The following C3orf33 variants were observed in gnomAD, a reference collection of about 807,000 sequenced individuals.
C3orf33 encodes the protein mitochondrial inner membrane subdomain organizer 1.
A neutral mutation model predicts 28.7 loss-of-function variants in C3orf33; 23 were observed. The observed-to-expected ratio is 0.80, with a 90% CI of 0.58 to 1.13. C3orf33 has a LOEUF of 1.13. Ranked by LOEUF, C3orf33 falls within the 50% of genes most tolerant of loss-of-function variation. C3orf33 has a pLI of 0.00. For synonymous variants in C3orf33, 119 were observed against 120.5 expected (o/e 0.99, Z 0.08); for missense variants, 327 against 353.4 (o/e 0.93, Z 0.60).
chr3:155,772,035 T>G (rs1312463718), intron 3 of C3orf33, among the ~76,000 whole-genome samples: 1 of 151,756 alleles, frequency 6.6e-6, no homozygotes, highest in Non-Finnish European at 1.5e-5. Context: ...AAGACCCCCT[T>G]TCTACAAAAA....
At chr3:155,793,639 G>A (rs1460139894) in intron 2 of C3orf33, among the ~76,000 whole-genome samples, 9 of 151,000 alleles carry the variant, frequency 6.0e-5, no homozygotes, top group Admixed American at 2.0e-4. Flanking sequence ...GCGAAACCCC[G>A]TCTCTACTAA....
intron 2 of C3orf33, among the ~76,000 whole-genome samples, chr3:155,796,784 A>G (rs1751486505): frequency 6.6e-6 from 1 of 152,246 alleles, no homozygotes; most frequent in African/African-American, 2.4e-5. Context: ...AAATACCTAC[A>G]AATCAAATTC....
At position 155,771,679 on chromosome 3, in the gene C3orf33, G is replaced by C. The variant is rs941479325; in HGVS notation, c.323-4010C>G. 2.6e-5 allele frequency among the ~76,000 whole-genome samples: 4 copies of C among 152,306 alleles called. No homozygotes were observed. The East Asian group carries it at 7.7e-4, about 29-fold the overall frequency. ...CTCAAAGTGTTGGAAATACAGGCAT[G>C]AGCCACCACACCTGGTCTTTGATTT... is the stretch of plus-strand genomic sequence containing the variant. On this transcript the variant is annotated intron_variant, in intron 3 of 4. Transcript: ENST00000340171.
Position 155,774,666 on chromosome 3 carries a change from CTTT to C in C3orf33, c.322+1032_322+1034del, listed in dbSNP as rs62815064. Among the ~76,000 whole-genome samples the C allele has an allele frequency of 8.3e-3, 791 of 95,240 alleles. 7 individuals are homozygous for C. Among genetic ancestry groups the C allele is most frequent in the African/African-American group, 0.027 (690 of 25,260 alleles). The allele number at this position is 95,240 out of a possible 152,430, so 62.5% of individuals were successfully genotyped here. The stretch of plus-strand genomic sequence containing the variant: ...CTTAAAACGTTATGATATTGTTTTG[CTTT>C]TTTTTTTTTTTTTTTTTTAGCTCAT... On this transcript the variant is annotated intron_variant, in intron 3 of 4. Transcript: ENST00000340171.
At chr3:155,800,025 A>G (rs1180156041) in intron 2 of C3orf33, among the ~76,000 whole-genome samples, 1 of 152,222 alleles carries the variant, frequency 6.6e-6, no homozygotes, top group Non-Finnish European at 1.5e-5. Context: ...GGGTGACTAC[A>G]GTCAACAATA....
chr3:155,779,476 G>A (rs1371920393), intron 2 of C3orf33, among the ~76,000 whole-genome samples: 1 of 152,116 alleles, frequency 6.6e-6, no homozygotes, highest in Non-Finnish European at 1.5e-5. Flanking sequence ...TATATTTTAA[G>A]TAGAGACAAG....
intron 2 of C3orf33, among the ~76,000 whole-genome samples, chr3:155,785,597 A>G (rs1056233480): frequency 5.9e-5 from 9 of 152,222 alleles, no homozygotes; most frequent in African/African-American, 2.2e-4. Context: ...CAAACAGCCA[A>G]TATATCAAAA....
intron 2 of C3orf33, among the ~76,000 whole-genome samples, chr3:155,796,381 A>G (rs1348131330): frequency 1.3e-5 from 2 of 152,212 alleles, no homozygotes; most frequent in African/African-American, 4.8e-5. Context: ...CTATATGCCA[A>G]TAAGTTGGAA....
chr3:155,787,553 T>C (rs1751162808), intron 2 of C3orf33, among the ~76,000 whole-genome samples: 1 of 151,752 alleles, frequency 6.6e-6, no homozygotes, highest in Non-Finnish European at 1.5e-5. Flanking sequence ...GGTTTCACTG[T>C]GTTGCCCAGG....
In C3orf33 at chr3:155,763,608, T is replaced by C. The variant is rs753103866; in HGVS notation, c.794A>G (p.Tyr265Cys). ...ESYYEKLKRT[Y>C]EIWKDNMNNC... Reference sequence around the variant, plus strand: ...GTTCATGTTGTCTTTCCATATTTCATAAGTCCTTTTAAGTTTTTCATAATA... The same window carrying C: ...GTTCATGTTGTCTTTCCATATTTCACAAGTCCTTTTAAGTTTTTCATAATA... The change falls in exon 5 of 5, where the codon TAT becomes TGT. Residue 265 changes from tyrosine to cysteine, a missense_variant. Tyr to Cys is a radical substitution (Grantham distance 194). Coordinates refer to ENST00000340171, the MANE Select transcript of C3orf33 (RefSeq NM_001308229.2). 6 of 1,591,460 alleles carry C rather than the reference T, an allele frequency of 3.8e-6. No individual in the cohort carries two copies. Among genetic ancestry groups the C allele is most frequent in the Middle Eastern group, 1.7e-4 (1 of 5,950 alleles).
intron 2 of C3orf33, among the ~76,000 whole-genome samples, chr3:155,777,040 G>A (rs981961129): frequency 1.1e-4 from 16 of 151,954 alleles, no homozygotes; most frequent in Admixed American, 2.6e-4. Context: ...ACAATTGGCC[G>A]GGCATGGTGG....
At chr3:155,781,768 C>CAAAAAAA in intron 2 of C3orf33, among the ~76,000 whole-genome samples, 1 of 64,502 alleles carries the variant, frequency 1.6e-5, no homozygotes, top group Non-Finnish European at 2.9e-5. Context: ...GACTCTATCT[C>CAAAAAAA]AAAAAAAAAA....
chr3:155,776,747 A>G (rs889021956), intron 2 of C3orf33, among the ~76,000 whole-genome samples: 40 of 132,252 alleles, frequency 3.0e-4, no homozygotes, highest in African/African-American at 1.0e-3. Context: ...CAGAGCGAGA[A>G]CCTGACTCTG....
At position 155,767,531 on chromosome 3, in the gene C3orf33, AAG is replaced by A. The variant is rs1296254339; in HGVS notation, c.459_460del (p.Phe154LeufsTer7). The A allele has an allele frequency of 6.4e-7, 1 of 1,574,526 alleles. No homozygotes were observed. The highest frequency in any genetic ancestry group is 2.3e-5 in the East Asian group (1 of 43,898). On this transcript the variant is annotated frameshift_variant, in exon 4 of 5. Transcript: ENST00000340171. LOFTEE classifies it high-confidence loss of function. Reference sequence around the variant, plus strand: ...TACCTTACTCACCAGAAGATAGCAAAAGAGTGCTGAATTCTCCTTTCCAAGAA... The same window carrying A: ...TACCTTACTCACCAGAAGATAGCAAAAGTGCTGAATTCTCCTTTCCAAGAA...
At chr3:155,773,191 T>C (rs1169210908) in intron 3 of C3orf33, among the ~76,000 whole-genome samples, 1 of 152,236 alleles carries the variant, frequency 6.6e-6, no homozygotes, top group Non-Finnish European at 1.5e-5. Context: ...CTCTAGCAAC[T>C]TATTGTAACA....
At chr3:155,785,215 G>C (rs1056117575) in intron 2 of C3orf33, among the ~76,000 whole-genome samples, 3 of 151,892 alleles carry the variant, frequency 2.0e-5, no homozygotes, top group African/African-American at 7.3e-5. Flanking sequence ...TAACAGACCA[G>C]CAAAAATGGT....
chr3:155,786,642 C>T (rs182873442), intron 2 of C3orf33, among the ~76,000 whole-genome samples: 4 of 152,088 alleles, frequency 2.6e-5, no homozygotes, highest in Non-Finnish European at 4.4e-5. Context: ...ACCTGGCCAA[C>T]GTGGCGAAAC....
At chr3:155,764,487 T>A (rs1046606458) in intron 4 of C3orf33, among the ~76,000 whole-genome samples, 5 of 152,176 alleles carry the variant, frequency 3.3e-5, no homozygotes, top group Admixed American at 1.3e-4. Context: ...CAGGAAATTT[T>A]ATTCATGGAA....
intron 2 of C3orf33, among the ~76,000 whole-genome samples, chr3:155,779,946 C>A (rs191584002): frequency 2.6e-5 from 4 of 152,298 alleles, no homozygotes; most frequent in African/African-American, 7.2e-5. Context: ...TCCATTGCAT[C>A]CATTTATTTT....
Sources: gnomAD v4.1 joint callset for allele counts (sites outside exome capture counted in the v4.1 genomes callset) on GRCh38, gnomAD v4.1.1 for gene constraint, MANE v1.5 for transcripts, NCBI Gene and HGNC (gene_info 2026-07-23, HGNC 2026-07-21) for gene names.